Variants in FSD2 observed in about 807,000 individuals in gnomAD.
The protein encoded by FSD2 is fibronectin type III and SPRY domain-containing protein 2.
FSD2 carries 71 observed loss-of-function variants against 80.4 expected under a neutral mutation model. The ratio of observed to expected loss-of-function variants is 0.88; its 90% confidence interval spans 0.73 to 1.08. The LOEUF (loss-of-function observed/expected upper bound fraction) is 1.08. Among genes scored for constraint, FSD2 ranks in the 50% least tolerant of loss-of-function variants. The probability of loss-of-function intolerance (pLI) is 0.00; values close to 1 mark genes in which losing one functional copy is unlikely to be tolerated. For missense variants in FSD2, 923 were observed against 913.8 expected (o/e 1.01, Z -0.13); for synonymous variants, 361 against 329.5 (o/e 1.10, Z -1.03).
At position 82,772,226 on chromosome 15, in the gene FSD2, G is replaced by T; in HGVS notation, c.1114C>A (p.Pro372Thr). Residue 372 changes from proline (P) to threonine (T), a missense_variant and splice_region_variant, in exon 7 of 13, where the codon CCT (proline) becomes ACT (threonine). Physicochemically the swap from Pro to Thr is conservative, Grantham distance 38 (BLOSUM62 -1). Coordinates refer to ENST00000334574, the MANE Select transcript of FSD2 (RefSeq NM_001007122.4). ...TGTGGATTTATGACTGGAGCAGAAG[G>T]AGCTAGGAAAAGAAAAGAAAAAAGA... The part of the protein sequence containing the change: ...LMGSINTIPA[P>T]SAPVINPQVP... 1 of 1,609,180 alleles carries T rather than the reference G, an allele frequency of 6.2e-7. No individual in the cohort carries two copies. Among genetic ancestry groups the T allele is most frequent in the South Asian group, 1.1e-5 (1 of 89,868 alleles).
chr15:82,781,948 C>T (rs1395368135), intron 4 of FSD2, among the ~76,000 whole-genome samples: 3 of 150,864 alleles, frequency 2.0e-5, no homozygotes, highest in African/African-American at 4.9e-5. Flanking sequence ...CCTGTAATCC[C>T]AGCTACTCAG....
intron 1 of FSD2, among the ~76,000 whole-genome samples, chr15:82,797,020 TAAA>T (rs11286584): frequency 2.1e-4 from 20 of 97,338 alleles, no homozygotes; most frequent in African/African-American, 4.3e-4. Context: ...GCTTGGTAAT[TAAA>T]AAAAAAAAAA....
chr15:82,764,329 T>C (rs1019534771), intron 11 of FSD2, among the ~76,000 whole-genome samples: 1 of 152,072 alleles, frequency 6.6e-6, no homozygotes, highest in African/African-American at 2.4e-5. Flanking sequence ...TTCATATACA[T>C]AGGGTGTACA....
chr15:82,780,333 C>CTT, intron 4 of FSD2, 66 bp from the exon 5 acceptor site: 1 of 1,154,676 alleles, frequency 8.7e-7, no homozygotes, highest in East Asian at 2.7e-5. Flanking sequence ...CTTTTTCTTT[C>CTT]TTTCTTTTTT....
At chr15:82,771,744 C>G (rs2049579238) in intron 7 of FSD2, among the ~76,000 whole-genome samples, 1 of 152,240 alleles carries the variant, frequency 6.6e-6, no homozygotes, top group South Asian at 2.1e-4. Context: ...AAGCTAGAAC[C>G]CAGCCAGCCC....
At chr15:82,800,204 C>T (rs2050376830) in intron 1 of FSD2, among the ~76,000 whole-genome samples, 2 of 152,118 alleles carry the variant, frequency 1.3e-5, no homozygotes, top group South Asian at 2.1e-4. Flanking sequence ...CTGGGGACAA[C>T]CAGCCAGGCT....
Position 82,789,017 on chromosome 15 carries a change from A to C in FSD2, c.-78-1549T>G, listed in dbSNP as rs1365571926. Among the ~76,000 whole-genome samples the C allele has an allele frequency of 2.6e-5, 4 of 152,066 alleles. No individual in the cohort carries two copies. The East Asian group carries it at 5.8e-4, about 22-fold the overall frequency. On this transcript the variant is annotated intron_variant, in intron 1 of 12. Transcript: ENST00000334574. Reference sequence around the variant, plus strand: ...AGTGTTCATACTCTCTAGCCTGTTCATACTCTCTCTAACCTAGTAATCCTC... The same window carrying C: ...AGTGTTCATACTCTCTAGCCTGTTCCTACTCTCTCTAACCTAGTAATCCTC...
chr15:82,780,495 C>G (rs1176642730), intron 4 of FSD2, among the ~76,000 whole-genome samples: 1 of 151,770 alleles, frequency 6.6e-6, no homozygotes, highest in Non-Finnish European at 1.5e-5. Flanking sequence ...CCACCACACC[C>G]AGCTAATTTT....
At chr15:82,791,165 ATTGT>A (rs1034146769) in intron 1 of FSD2, among the ~76,000 whole-genome samples, 2 of 147,770 alleles carry the variant, frequency 1.4e-5, no homozygotes, top group African/African-American at 2.5e-5. Flanking sequence ...TGCCCAGCTA[ATTGT>A]TTGTATTTTT....
Position 82,766,081 on chromosome 15 carries a change from C to T in FSD2, c.1554-50G>A, listed in dbSNP as rs981079467. The stretch of plus-strand genomic sequence containing the variant: ...TCAGAATGGGGCTAGGACACCCAGG[C>T]CCAAGCACCAGGCATCCCTTTCAAA... On this transcript the variant is annotated intron_variant, in intron 9 of 12. Transcript: ENST00000334574. The T allele has an allele frequency of 1.1e-5, 17 of 1,507,032 alleles. No homozygotes were observed. In the African/African-American group the frequency reaches 2.2e-4, roughly 20 times the overall value. The allele number at this position is 1,507,032 out of a possible 1,614,324, so 93.4% of individuals were successfully genotyped here.
Position 82,786,928 on chromosome 15 carries a change from C to T in FSD2, c.463G>A (p.Gly155Ser), listed in dbSNP as rs769313590. The T allele has an allele frequency of 1.8e-5, 29 of 1,613,892 alleles. No homozygotes were observed. Among genetic ancestry groups the T allele is most frequent in the South Asian group, 3.3e-5 (3 of 91,092 alleles). ...CATTCATACTCCTCGCTGGCACGGC[C>T]GTGTGTGTACCTATAGGCTTCCCGC... Reference protein sequence around the residue: ...DLREAYRYTHGRASEEYECYV... With the variant: ...DLREAYRYTHSRASEEYECYV... Residue 155 changes from glycine to serine, a missense_variant, in exon 2 of 13, where the codon GGC becomes AGC. Transcript: ENST00000334574.
chr15:82,791,751 C>T (rs763634081), intron 1 of FSD2, among the ~76,000 whole-genome samples: 1 of 152,168 alleles, frequency 6.6e-6, no homozygotes, highest in Non-Finnish European at 1.5e-5. Flanking sequence ...CCCCATCTCC[C>T]CTATCCTAAG....
intron 10 of FSD2, 23 bp from the exon 11 acceptor site, chr15:82,765,321 A>G (rs1165844333): frequency 6.2e-7 from 1 of 1,612,548 alleles, no homozygotes; most frequent in East Asian, 2.2e-5. Context: ...GAACACACAG[A>G]AGACCCGCAG....
intron 1 of FSD2, among the ~76,000 whole-genome samples, chr15:82,801,326 C>T (rs983104320): frequency 4.6e-5 from 7 of 152,304 alleles, no homozygotes; most frequent in South Asian, 2.1e-4. Flanking sequence ...CCCAGTTAAT[C>T]GTGGCTACAC....
chr15:82,762,362 A>C, intron 11 of FSD2, 84 bp from the exon 12 acceptor site: 1 of 1,369,152 alleles, frequency 7.3e-7, no homozygotes, highest in South Asian at 1.4e-5. Flanking sequence ...TGCTGGGATC[A>C]GTCAGTCGGT....
intron 1 of FSD2, among the ~76,000 whole-genome samples, chr15:82,791,854 C>T (rs1042106072): frequency 6.6e-6 from 1 of 152,184 alleles, no homozygotes; most frequent in East Asian, 1.9e-4. Context: ...TTGTAACTGG[C>T]TTCTCTCACT....
At position 82,759,607 on chromosome 15, in the gene FSD2, A is replaced by G. The variant is rs996820553; in HGVS notation, c.1998-7T>C. The G allele has an allele frequency of 6.5e-7, 1 of 1,548,846 alleles. No individual in the cohort carries two copies. The highest frequency in any genetic ancestry group is 1.9e-4 in the Middle Eastern group (1 of 5,376). On this transcript the variant is annotated splice_polypyrimidine_tract_variant and splice_region_variant and intron_variant, in intron 12 of 12. Transcript: ENST00000334574. Reference sequence around the variant, plus strand: ...CAGAAATTCATACTTATGCCTGAAAATTAAATTTGACATAATAAAGTTTCA... The same window carrying G: ...CAGAAATTCATACTTATGCCTGAAAGTTAAATTTGACATAATAAAGTTTCA...
At chr15:82,766,783 C>G (rs1484788922) in intron 9 of FSD2, among the ~76,000 whole-genome samples, 2 of 148,894 alleles carry the variant, frequency 1.3e-5, no homozygotes, top group African/African-American at 4.9e-5. Flanking sequence ...TATGAGCAAA[C>G]AATTCTGACT....
chr15:82,762,073 T>A, intron 12 of FSD2, 29 bp downstream of exon 12: 1 of 1,529,228 alleles, frequency 6.5e-7, no homozygotes, highest in Non-Finnish European at 8.8e-7. Flanking sequence ...AAGCAAATTT[T>A]AATTGTGAGT....
Sources: allele counts gnomAD v4.1 joint callset (sites outside exome capture counted in the v4.1 genomes callset), GRCh38; gene constraint gnomAD v4.1.1; transcripts MANE v1.5; gene names NCBI Gene and HGNC (gene_info 2026-07-23, HGNC 2026-07-21).